PCSK6: variants seen among roughly 807,000 people sequenced by gnomAD.
The protein encoded by PCSK6 is paired basic amino acid cleaving enzyme 4.
A neutral mutation model predicts 123.3 loss-of-function variants in PCSK6; 85 were observed. That is an observed-to-expected ratio of 0.69 (90% CI 0.58 to 0.83). The LOEUF is 0.83. Among genes scored for constraint, PCSK6 ranks in the 40% least tolerant of loss-of-function variants. PCSK6 has a pLI of 0.00. For missense variants in PCSK6, 1,191 were observed against 1,282.3 expected, an observed-to-expected ratio of 0.93 and a Z score of 1.09; for synonymous variants, 508 against 516.0, an observed-to-expected ratio of 0.98 and a Z score of 0.21.
intron 20 of PCSK6, chr15:101,312,973 C>G: frequency 9.0e-7 from 1 of 1,113,442 alleles, no homozygotes; most frequent in Non-Finnish European, 1.1e-6. Context: ...CCAGTGCACT[C>G]CAGCCTGGGC....
At chr15:101,358,147 G>A (rs573920651) in intron 13 of PCSK6, among the ~76,000 whole-genome samples, 81 of 152,292 alleles carry the variant, frequency 5.3e-4, no homozygotes, top group Non-Finnish European at 7.5e-4. Flanking sequence ...AGGGCCTGGG[G>A]AGCAAGGCCA....
chr15:101,335,118 C>T (rs985090707), intron 13 of PCSK6, among the ~76,000 whole-genome samples: 4 of 152,170 alleles, frequency 2.6e-5, no homozygotes, highest in African/African-American at 9.7e-5. Context: ...CACCACCACG[C>T]CCGGCTACTT....
At chr15:101,461,937 T>C (rs1016559005) in intron 1 of PCSK6, among the ~76,000 whole-genome samples, 1 of 152,230 alleles carries the variant, frequency 6.6e-6, no homozygotes, top group African/African-American at 2.4e-5. Flanking sequence ...ATCAATGCTT[T>C]TATTCATCAT....
intron 6 of PCSK6, among the ~76,000 whole-genome samples, chr15:101,402,503 A>G (rs1273101996): frequency 2.6e-5 from 4 of 152,200 alleles, no homozygotes; most frequent in Admixed American, 2.6e-4. Flanking sequence ...ACGGGAGAAA[A>G]TTTTCGCAAC....
At chr15:101,444,243 A>T (rs1473555772) in intron 1 of PCSK6, among the ~76,000 whole-genome samples, 1 of 152,208 alleles carries the variant, frequency 6.6e-6, no homozygotes, top group East Asian at 1.9e-4. Context: ...TTGTCAGGAC[A>T]GATTTCAGCT....
At chr15:101,375,336 C>T (rs1394523225) in intron 11 of PCSK6, among the ~76,000 whole-genome samples, 3 of 152,106 alleles carry the variant, frequency 2.0e-5, no homozygotes, top group African/African-American at 7.2e-5. Flanking sequence ...TAATCCAGTA[C>T]ATTAACTTAC....
chr15:101,448,651 T>G (rs753569613), intron 1 of PCSK6, among the ~76,000 whole-genome samples: 5 of 152,232 alleles, frequency 3.3e-5, no homozygotes, highest in Non-Finnish European at 7.4e-5. Flanking sequence ...CATCCTCATC[T>G]GACTGATGGG....
chr15:101,464,326 G>A (rs77327424), intron 1 of PCSK6, among the ~76,000 whole-genome samples: 3,554 of 152,256 alleles, frequency 0.023, 153 homozygotes, highest in African/African-American at 0.08. Context: ...CAAGCGGGAC[G>A]AAATGCAAGT....
chr15:101,398,621 C>A lies in PCSK6; in HGVS notation c.824-45G>T. 1 of 1,580,004 alleles carries A rather than the reference C, an allele frequency of 6.3e-7. No individual in the cohort carries two copies. Among genetic ancestry groups the A allele is most frequent in the Non-Finnish European group, 8.6e-7 (1 of 1,162,368 alleles). On this transcript the variant is annotated intron_variant, in intron 6 of 21. Transcript: ENST00000611716. This position sits in a 1 kb window ranked among gnomAD's most constrained non-coding sequence, Gnocchi z 4.6. ...TCGGTGTCGGCGCCCAGGCTCCGGG[C>A]ACACAGCGACGGGAACCCGGGCCCA...
intron 2 of PCSK6, among the ~76,000 whole-genome samples, chr15:101,438,045 G>A (rs1318502577): frequency 1.2e-4 from 19 of 152,170 alleles, no homozygotes; most frequent in Non-Finnish European, 2.2e-4. Flanking sequence ...GGACAACCAC[G>A]TGAGGATCAA....
intron 6 of PCSK6, among the ~76,000 whole-genome samples, chr15:101,408,187 G>A (rs754583425): frequency 4.6e-5 from 7 of 152,220 alleles, no homozygotes; most frequent in South Asian, 2.1e-4. Flanking sequence ...GGAGGCGCAC[G>A]TGCCAAGAAA....
At chr15:101,385,690 C>T (rs1221840956) in intron 9 of PCSK6, among the ~76,000 whole-genome samples, 3 of 152,122 alleles carry the variant, frequency 2.0e-5, no homozygotes, top group Admixed American at 6.5e-5. Context: ...TTCTTCTAAT[C>T]AGTATTAAAT....
intron 13 of PCSK6, chr15:101,365,695 T>C (rs974671944): frequency 6.5e-6 from 1 of 153,236 alleles, no homozygotes; most frequent in Non-Finnish European, 1.5e-5. Flanking sequence ...CAAAATGTGA[T>C]CAATCCGTAC....
intron 1 of PCSK6, among the ~76,000 whole-genome samples, chr15:101,463,941 C>T (rs2057396652): frequency 6.6e-6 from 1 of 152,036 alleles, no homozygotes; most frequent in African/African-American, 2.4e-5. Flanking sequence ...CCATGGTAGC[C>T]CCAGGGTGTG....
intron 6 of PCSK6, among the ~76,000 whole-genome samples, chr15:101,419,289 C>T (rs1334435832): frequency 1.3e-5 from 2 of 151,934 alleles, no homozygotes; most frequent in East Asian, 3.9e-4. Flanking sequence ...AATAGCTTTC[C>T]TATATCCGTT....
intron 2 of PCSK6, among the ~76,000 whole-genome samples, chr15:101,436,174 C>T (rs1199306278): frequency 6.6e-6 from 1 of 152,162 alleles, no homozygotes; most frequent in Non-Finnish European, 1.5e-5. Context: ...TGCTGTGGCT[C>T]AGGAAGGCCC....
intron 6 of PCSK6, among the ~76,000 whole-genome samples, chr15:101,421,268 C>T (rs946884028): frequency 1.3e-5 from 2 of 152,152 alleles, no homozygotes; most frequent in Non-Finnish European, 2.9e-5. Flanking sequence ...ATAATTTGGA[C>T]AGTTCCTGTT....
At chr15:101,416,127 G>C (rs1298919118) in intron 6 of PCSK6, among the ~76,000 whole-genome samples, 2 of 152,250 alleles carry the variant, frequency 1.3e-5, no homozygotes, top group Non-Finnish European at 2.9e-5. Flanking sequence ...GAACCTCCTA[G>C]AGATTTGTTG....
At chr15:101,408,224 T>C (rs2042836514) in intron 6 of PCSK6, among the ~76,000 whole-genome samples, 1 of 152,190 alleles carries the variant, frequency 6.6e-6, no homozygotes, top group Non-Finnish European at 1.5e-5. Flanking sequence ...AACGGACCTC[T>C]GAAGGGGACA....
Sources: allele counts gnomAD v4.1 joint callset (sites outside exome capture counted in the v4.1 genomes callset), GRCh38; gene constraint gnomAD v4.1.1; non-coding constraint Gnocchi (gnomAD v3.1); transcripts MANE v1.5; gene names NCBI Gene and HGNC (gene_info 2026-07-23, HGNC 2026-07-21).